Variants in FHIT observed in about 807,000 individuals in gnomAD.
The protein encoded by FHIT is fragile histidine triad diadenosine triphosphatase.
In FHIT, 19 loss-of-function variants were observed where a neutral mutation model predicts 17.9. The ratio of observed to expected loss-of-function variants is 1.06; its 90% CI spans 0.74 to 1.56. FHIT has a LOEUF of 1.56. Among genes scored for constraint, FHIT ranks in the 40% most tolerant of loss-of-function variants. FHIT has a pLI of 0.00. For missense variants in FHIT, 248 were observed against 189.2 expected (o/e 1.31, Z -1.82); for synonymous variants, 81 against 69.7 (o/e 1.16, Z -0.81).
At chr3:60,906,123 G>A (rs1472342327) in intron 3 of FHIT, among the ~76,000 whole-genome samples, 2 of 152,160 alleles carry the variant, frequency 1.3e-5, no homozygotes, top group Non-Finnish European at 2.9e-5. Flanking sequence ...TCTGAAGACA[G>A]TATTCTGAAT....
At chr3:60,557,875 T>C (rs1232782898) in intron 4 of FHIT, among the ~76,000 whole-genome samples, 1 of 152,096 alleles carries the variant, frequency 6.6e-6, no homozygotes, top group Non-Finnish European at 1.5e-5. Flanking sequence ...TCTTAAAGGC[T>C]TTTGCTTTTA....
At chr3:60,458,099 T>C (rs2032226506) in intron 5 of FHIT, among the ~76,000 whole-genome samples, 3 of 152,082 alleles carry the variant, frequency 2.0e-5, no homozygotes, top group Non-Finnish European at 4.4e-5. Flanking sequence ...ACCCAAAGGA[T>C]TATAAATCAT....
rs562523594 is a variant in FHIT at position 60,149,904 on chromosome 3, G to T, written c.104-135752C>A. Among the ~76,000 whole-genome samples, 4 of 149,482 alleles carry T rather than the reference G, an allele frequency of 2.7e-5. No individual in the cohort carries two copies. The East Asian group carries it at 8.0e-4, about 30-fold the overall frequency. On this transcript the variant is annotated intron_variant, in intron 5 of 9. Coordinates refer to ENST00000492590, the MANE Select transcript of FHIT (RefSeq NM_002012.4). The stretch of plus-strand genomic sequence containing the variant: ...TAATGAAAGAGTTGTAATGTCTACA[G>T]CAGAAATAATGTCTTCTGCTGGAGC...
At chr3:60,901,099 C>A (rs1706093552) in intron 3 of FHIT, among the ~76,000 whole-genome samples, 1 of 152,168 alleles carries the variant, frequency 6.6e-6, no homozygotes, top group Admixed American at 6.5e-5. Context: ...TAGTGACAAT[C>A]ATAAATGATT....
At chr3:59,882,446 G>A (rs1575637340) in intron 8 of FHIT, among the ~76,000 whole-genome samples, 1 of 150,058 alleles carries the variant, frequency 6.7e-6, no homozygotes, top group African/African-American at 2.5e-5. Flanking sequence ...CTAACAAGCA[G>A]AGCAGACTGT....
At chr3:60,215,678 T>C (rs181150489) in intron 5 of FHIT, among the ~76,000 whole-genome samples, 3 of 152,326 alleles carry the variant, frequency 2.0e-5, no homozygotes, top group African/African-American at 7.2e-5. Flanking sequence ...ATGCCTGCAA[T>C]AGGCTACTTA....
intron 2 of FHIT, among the ~76,000 whole-genome samples, chr3:61,073,580 A>C (rs1466212245): frequency 6.6e-6 from 1 of 152,220 alleles, no homozygotes; most frequent in Non-Finnish European, 1.5e-5. Flanking sequence ...AAAAATATGG[A>C]CAAGTGGGAA....
intron 5 of FHIT, among the ~76,000 whole-genome samples, chr3:60,043,462 G>C (rs1701525609): frequency 1.3e-5 from 2 of 152,150 alleles, no homozygotes; most frequent in Non-Finnish European, 2.9e-5. Context: ...GATATTACTA[G>C]CTCCATTTTA....
chr3:59,939,495 T>G (rs1706404452), intron 7 of FHIT, among the ~76,000 whole-genome samples: 1 of 152,156 alleles, frequency 6.6e-6, no homozygotes. Flanking sequence ...GGGTCAGAAT[T>G]TGCGGCGCAG....
chr3:59,986,995 T>TTA (rs1206671881), intron 7 of FHIT, among the ~76,000 whole-genome samples: 1 of 128,066 alleles, frequency 7.8e-6, no homozygotes, highest in Non-Finnish European at 1.6e-5. Flanking sequence ...ATTTTATATT[T>TTA]TATATATATT....
intron 5 of FHIT, among the ~76,000 whole-genome samples, chr3:60,111,364 T>C (rs1310943063): frequency 1.3e-5 from 2 of 152,128 alleles, no homozygotes; most frequent in African/African-American, 4.8e-5. Context: ...AAGACAAACA[T>C]ATGCTTTTCA....
At chr3:61,239,772 T>TATATATATATATATATATATATATAA (rs2040326691) in intron 1 of FHIT, among the ~76,000 whole-genome samples, 1 of 136,674 alleles carries the variant, frequency 7.3e-6, no homozygotes, top group Non-Finnish European at 1.6e-5. Flanking sequence ...CATATATATA[T>TATATATATATATATATATATATATAA]ATATATATAT....
intron 2 of FHIT, among the ~76,000 whole-genome samples, chr3:61,168,617 T>C (rs1374081758): frequency 2.0e-5 from 3 of 152,220 alleles, no homozygotes; most frequent in Non-Finnish European, 4.4e-5. Context: ...GGCCACACAA[T>C]GTCTCCACTC....
intron 7 of FHIT, among the ~76,000 whole-genome samples, chr3:59,926,293 C>G (rs538188261): frequency 6.6e-6 from 1 of 152,322 alleles, no homozygotes; most frequent in Admixed American, 6.5e-5. Flanking sequence ...CTTCTGTACA[C>G]TTTTCTAAAG....
At chr3:59,764,313 C>T (rs1701684005) in intron 8 of FHIT, among the ~76,000 whole-genome samples, 1 of 152,186 alleles carries the variant, frequency 6.6e-6, no homozygotes. Context: ...ACCATCTAGC[C>T]AGGTGCTTGG....
chr3:60,960,437 T>C (rs1486154236), intron 3 of FHIT, among the ~76,000 whole-genome samples: 6 of 152,248 alleles, frequency 3.9e-5, no homozygotes, highest in Non-Finnish European at 5.9e-5. Flanking sequence ...TTTATTTTTA[T>C]TACACTTTAA....
At chr3:59,970,672 T>C (rs1708134001) in intron 7 of FHIT, among the ~76,000 whole-genome samples, 1 of 152,064 alleles carries the variant, frequency 6.6e-6, no homozygotes, top group South Asian at 2.1e-4. Context: ...ACGAGCAGCA[T>C]ATGCTTGATT....
intron 5 of FHIT, chr3:60,536,166 C>A (rs550390476): frequency 3.0e-4 from 46 of 152,024 alleles, no homozygotes; most frequent in African/African-American, 1.0e-3. Context: ...AGCATTTCAC[C>A]AATACTTGTT....
At position 60,569,755 on chromosome 3, in the gene FHIT, A is replaced by ATATTTTTTTT; in HGVS notation, c.-17-32777_-17-32776insAAAAAAAATA. Among the ~76,000 whole-genome samples, 141 of 77,306 alleles carry ATATTTTTTTT rather than the reference A, an allele frequency of 1.8e-3. 1 individual carries two copies. Among genetic ancestry groups the ATATTTTTTTT allele is most frequent in the Middle Eastern group, 8.8e-3 (1 of 114 alleles). The allele number at this position is 77,306 out of a possible 152,430, so 50.7% of individuals were successfully genotyped here. On this transcript the variant is annotated intron_variant, in intron 4 of 9. Transcript: ENST00000492590. ...TATATATATATATATATATATATATATTTTTTTTTTTTTTAGACAGAGTTT... is the reference window on the plus strand; with the variant it reads ...TATATATATATATATATATATATATATATTTTTTTTTTTTTTTTTTTTTTAGACAGAGTTT...
Sources: allele counts gnomAD v4.1 joint callset (sites outside exome capture counted in the v4.1 genomes callset), GRCh38; gene constraint gnomAD v4.1.1; transcripts MANE v1.5; gene names NCBI Gene and HGNC (gene_info 2026-07-23, HGNC 2026-07-21).